FBXL17: variants seen among roughly 807,000 people sequenced by gnomAD.
The protein encoded by FBXL17 is F-box and leucine rich repeat protein 17.
A neutral mutation model predicts 66.2 loss-of-function variants in FBXL17; 22 were observed. The observed-to-expected ratio is 0.33, with a 90% confidence interval of 0.24 to 0.47. The LOEUF is 0.47. FBXL17 is among the 20% of genes least tolerant of loss of function. The pLI is 1.00. For missense variants in FBXL17, 878 were observed against 948.2 expected (o/e 0.93, Z 0.97); for synonymous variants, 474 against 400.5 (o/e 1.18, Z -2.19).
At chr5:107,926,404 T>A (rs1750525444) in intron 7 of FBXL17, among the ~76,000 whole-genome samples, 1 of 152,138 alleles carries the variant, frequency 6.6e-6, no homozygotes, top group Non-Finnish European at 1.5e-5. Flanking sequence ...CCACCAAACC[T>A]GTATTACTTG....
At chr5:108,053,858 A>C (rs1420904802) in intron 6 of FBXL17, among the ~76,000 whole-genome samples, 1 of 152,206 alleles carries the variant, frequency 6.6e-6, no homozygotes. Flanking sequence ...CATAGAACCA[A>C]CCCAAATGCC....
intron 4 of FBXL17, among the ~76,000 whole-genome samples, chr5:108,327,296 T>A (rs57354704): frequency 0.048 from 7,269 of 152,240 alleles, 584 homozygotes; most frequent in African/African-American, 0.17. Flanking sequence ...AAATGTACTG[T>A]GGAGACAATG....
At chr5:108,030,032 G>T (rs1754975314) in intron 6 of FBXL17, among the ~76,000 whole-genome samples, 1 of 152,064 alleles carries the variant, frequency 6.6e-6, no homozygotes, top group Admixed American at 6.6e-5. Flanking sequence ...ATAATCAAAG[G>T]ACTATGTAGT....
chr5:107,920,128 T>C (rs138450538), intron 7 of FBXL17, among the ~76,000 whole-genome samples: 174 of 152,342 alleles, frequency 1.1e-3, no homozygotes, highest in African/African-American at 4.0e-3. Context: ...GCCATATTAG[T>C]ATGTTTTTGA....
At chr5:108,129,816 T>C (rs997031873) in intron 6 of FBXL17, among the ~76,000 whole-genome samples, 3 of 151,930 alleles carry the variant, frequency 2.0e-5, no homozygotes, top group African/African-American at 7.2e-5. Flanking sequence ...CTAAGATCTT[T>C]TACATCTAAA....
chr5:108,116,411 G>T (rs1016314639), intron 6 of FBXL17, among the ~76,000 whole-genome samples: 2 of 151,846 alleles, frequency 1.3e-5, no homozygotes, highest in Non-Finnish European at 2.9e-5. Context: ...AGGCCAAGGA[G>T]GGTGGATCAT....
intron 7 of FBXL17, among the ~76,000 whole-genome samples, chr5:107,977,808 A>T (rs914916323): frequency 6.6e-6 from 1 of 152,266 alleles, no homozygotes; most frequent in African/African-American, 2.4e-5. Context: ...TTGAATAAAC[A>T]TAAATAACAT....
chr5:108,175,988 T>C (rs756008078), intron 6 of FBXL17, among the ~76,000 whole-genome samples: 23 of 152,222 alleles, frequency 1.5e-4, no homozygotes, highest in Admixed American at 3.3e-4. Context: ...CATTTTTAAA[T>C]TTTGACAACA....
rs917073856 is a variant in FBXL17 at position 108,381,352 on chromosome 5, C to T, written c.340G>A (p.Ala114Thr). The stretch of plus-strand genomic sequence containing the variant: ...GATAGCAGGAAGCGGCGGGCAGCAG[C>T]GGCGCAGTCCTCGGCGGCCAGGGCC... ...YAALAAEDCA[A>T]AARRFLLSSA... The change falls in exon 1 of 9, where the codon GCT becomes ACT. Residue 114 changes from alanine to threonine, a missense_variant. Physicochemically the swap from Ala to Thr is moderately conservative, Grantham distance 58. Transcript: ENST00000542267. 6.6e-6 allele frequency: 9 copies of T among 1,357,544 alleles called. No individual in the cohort carries two copies. The South Asian group carries it at 7.2e-5, about 11-fold the overall frequency. The allele number at this position is 1,357,544 out of a possible 1,614,324, so 84.1% of individuals were successfully genotyped here.
chr5:108,330,155 C>T (rs1760054851), intron 4 of FBXL17, among the ~76,000 whole-genome samples: 1 of 152,116 alleles, frequency 6.6e-6, no homozygotes, highest in East Asian at 1.9e-4. Flanking sequence ...CTACCTGTAA[C>T]AACAGAATCA....
At chr5:107,899,606 C>T (rs947091908) in intron 7 of FBXL17, among the ~76,000 whole-genome samples, 1 of 152,122 alleles carries the variant, frequency 6.6e-6, no homozygotes, top group African/African-American at 2.4e-5. Flanking sequence ...CACTGCACTC[C>T]AGTCCTCTTA....
intron 4 of FBXL17, among the ~76,000 whole-genome samples, chr5:108,306,149 A>G (rs751827748): frequency 6.6e-6 from 1 of 152,058 alleles, no homozygotes; most frequent in Non-Finnish European, 1.5e-5. Flanking sequence ...AGTAAATTTT[A>G]TACATTTTCT....
intron 4 of FBXL17, among the ~76,000 whole-genome samples, chr5:108,286,526 G>GTA (rs1757907435): frequency 1.3e-5 from 2 of 151,862 alleles, no homozygotes; most frequent in African/African-American, 4.8e-5. Context: ...AATCAAGAAT[G>GTA]CAATCCAATT....
At chr5:108,233,906 T>C (rs1755481195) in intron 4 of FBXL17, among the ~76,000 whole-genome samples, 1 of 152,164 alleles carries the variant, frequency 6.6e-6, no homozygotes. Flanking sequence ...TTGGTTCTCA[T>C]AAGCTCTTGA....
intron 4 of FBXL17, among the ~76,000 whole-genome samples, chr5:108,343,756 C>T (rs1747059931): frequency 1.3e-5 from 2 of 151,926 alleles, no homozygotes; most frequent in Admixed American, 1.3e-4. Context: ...AGCCTCAAAT[C>T]ACAGCAAAGA....
intron 7 of FBXL17, among the ~76,000 whole-genome samples, chr5:107,981,235 A>G (rs1389906349): frequency 6.6e-6 from 1 of 152,222 alleles, no homozygotes; most frequent in Admixed American, 6.5e-5. Context: ...AACGCTAAGT[A>G]CATGGAGAAC....
chr5:107,902,367 A>G (rs1580697645), intron 7 of FBXL17, among the ~76,000 whole-genome samples: 1 of 152,226 alleles, frequency 6.6e-6, no homozygotes, highest in Admixed American at 6.5e-5. Flanking sequence ...CATTAAATCA[A>G]TAAATTAATT....
At chr5:108,067,638 G>T (rs954554304) in intron 6 of FBXL17, among the ~76,000 whole-genome samples, 1 of 152,044 alleles carries the variant, frequency 6.6e-6, no homozygotes, top group Non-Finnish European at 1.5e-5. Context: ...TAAGACTACT[G>T]CACGTTTAGA....
chr5:108,292,777 G>A (rs891288407), intron 4 of FBXL17, among the ~76,000 whole-genome samples: 5 of 152,104 alleles, frequency 3.3e-5, no homozygotes, highest in Non-Finnish European at 5.9e-5. Flanking sequence ...GACTTAGCAT[G>A]GTGTCAGTAT....
Sources: gnomAD v4.1 joint callset for allele counts (sites outside exome capture counted in the v4.1 genomes callset) on GRCh38, gnomAD v4.1.1 for gene constraint, MANE v1.5 for transcripts, NCBI Gene and HGNC (gene_info 2026-07-23, HGNC 2026-07-21) for gene names.